Variants in CHRNA7 observed in about 807,000 individuals in gnomAD.
CHRNA7 encodes cholinergic receptor nicotinic alpha 7 subunit.
A neutral mutation model predicts 48.0 loss-of-function variants in CHRNA7; 17 were observed. The ratio of observed to expected loss-of-function variants is 0.35; its 90% CI spans 0.24 to 0.53. The LOEUF is 0.53. Among genes scored for constraint, CHRNA7 ranks in the 20% least tolerant of loss-of-function variants. CHRNA7 has a pLI of 0.92. For synonymous variants in CHRNA7, 75 were observed against 242.3 expected (o/e 0.31, Z 6.41); for missense variants, 155 against 577.7 (o/e 0.27, Z 7.50).
rs777210915 is a variant in CHRNA7 at position 32,030,669 on chromosome 15, G to T, written c.55+20G>T. ...TGCACGGTAAAGCCACTGCCTCCCC[G>T]CCCTCCACTCCTCCGTGGGATCCCG... On this transcript the variant is annotated intron_variant, in intron 1 of 9. Coordinates refer to ENST00000306901, the MANE Select transcript of CHRNA7 (RefSeq NM_000746.6). 6.4e-7 allele frequency: 1 copy of T among 1,566,414 alleles called. No individual in the cohort carries two copies. The highest frequency in any genetic ancestry group is 1.8e-5 in the Admixed American group (1 of 55,224).
intron 2 of CHRNA7, among the ~76,000 whole-genome samples, chr15:32,094,900 G>C (rs148380549): frequency 6.6e-6 from 1 of 152,058 alleles, no homozygotes; most frequent in Non-Finnish European, 1.5e-5. Flanking sequence ...TGCCTGCCTC[G>C]GCCTCCCAAA....
At chr15:32,036,336 G>A (rs572833828) in intron 2 of CHRNA7, among the ~76,000 whole-genome samples, 10 of 152,252 alleles carry the variant, frequency 6.6e-5, no homozygotes, top group East Asian at 3.9e-4. Flanking sequence ...ATTCACCTCC[G>A]GAAGAACATC....
At chr15:32,138,906 A>C (rs2051325217) in intron 4 of CHRNA7, among the ~76,000 whole-genome samples, 1 of 152,028 alleles carries the variant, frequency 6.6e-6, no homozygotes, top group African/African-American at 2.4e-5. Flanking sequence ...GGTGCACGCC[A>C]CCACGCCTGG....
At chr15:32,063,800 A>G (rs78850472) in intron 2 of CHRNA7, among the ~76,000 whole-genome samples, 3,128 of 152,212 alleles carry the variant, frequency 0.021, 101 homozygotes, top group African/African-American at 0.071. Flanking sequence ...TGTCACTAAG[A>G]GTTTTTGAAG....
chr15:32,128,663 G>T, intron 4 of CHRNA7, among the ~76,000 whole-genome samples: 1 of 151,026 alleles, frequency 6.6e-6, no homozygotes, highest in South Asian at 2.1e-4. Flanking sequence ...AATTGTTTTT[G>T]TTTTGAGATT....
At chr15:32,048,242 A>G (rs1332979746) in intron 2 of CHRNA7, among the ~76,000 whole-genome samples, 8 of 152,298 alleles carry the variant, frequency 5.3e-5, no homozygotes, top group Admixed American at 3.9e-4. Flanking sequence ...TTCAGAAGGA[A>G]CGGTACCAGT....
intron 2 of CHRNA7, among the ~76,000 whole-genome samples, chr15:32,073,471 G>A (rs1344370852): frequency 1.3e-5 from 2 of 152,200 alleles, no homozygotes; most frequent in African/African-American, 4.8e-5. Flanking sequence ...GCTGGAATAA[G>A]TTAAGACATT....
intron 2 of CHRNA7, among the ~76,000 whole-genome samples, chr15:32,070,710 G>A (rs1214186131): frequency 2.5e-4 from 24 of 94,162 alleles, no homozygotes; most frequent in African/African-American, 9.1e-4. Context: ...TTTTTGAGAC[G>A]GAGTCTTGCT....
chr15:32,038,984 A>G (rs1186712271), intron 2 of CHRNA7, among the ~76,000 whole-genome samples: 1 of 152,010 alleles, frequency 6.6e-6, no homozygotes, highest in African/African-American at 2.4e-5. Flanking sequence ...TTCTTGTTTG[A>G]GTTTTGAGAA....
rs2050766644 is a variant in CHRNA7 at position 32,111,820 on chromosome 15, G to A, written c.271G>A (p.Val91Met). Residue 91 changes from valine to methionine, a missense_variant, in exon 4 of 10, where the codon GTG becomes ATG. Val to Met is a conservative substitution (Grantham distance 21). Transcript: ENST00000306901. ...SWTDHYLQWNVSEYPGVKTVR... is the reference protein window; with the variant it reads ...SWTDHYLQWNMSEYPGVKTVR... ...GACAGATCACTATTTACAGTGGAAT[G>A]TGTCAGAATATCCAGGGGTGAAGAC... The A allele has an allele frequency of 6.2e-7, 1 of 1,613,578 alleles. No individual in the cohort carries two copies. The highest frequency in any genetic ancestry group is 8.5e-7 in the Non-Finnish European group (1 of 1,179,464).
At chr15:32,098,801 A>G (rs1317240717) in intron 2 of CHRNA7, 1 of 150,008 alleles carries the variant, frequency 6.7e-6, no homozygotes, top group Admixed American at 6.7e-5. Flanking sequence ...CCTTGTTACC[A>G]TTTGTTGTTA....
At chr15:32,051,370 A>C (rs1021695250) in intron 2 of CHRNA7, among the ~76,000 whole-genome samples, 1 of 152,034 alleles carries the variant, frequency 6.6e-6, no homozygotes, top group Non-Finnish European at 1.5e-5. Flanking sequence ...CCCCTCCCCC[A>C]GCCTTGCTGA....
At chr15:32,139,789 A>G (rs191842882) in intron 4 of CHRNA7, among the ~76,000 whole-genome samples, 2 of 152,166 alleles carry the variant, frequency 1.3e-5, no homozygotes, top group East Asian at 3.9e-4. Context: ...GTCTTTTGCA[A>G]ATATTTTCTC....
intron 3 of CHRNA7, among the ~76,000 whole-genome samples, chr15:32,105,467 G>A (rs972580397): frequency 8.0e-5 from 11 of 137,484 alleles, no homozygotes; most frequent in African/African-American, 3.2e-4. Flanking sequence ...GGAGGAGGAA[G>A]AGGAGGAGAG....
At chr15:32,087,499 G>A (rs769408701) in intron 2 of CHRNA7, among the ~76,000 whole-genome samples, 37 of 152,076 alleles carry the variant, frequency 2.4e-4, no homozygotes, top group African/African-American at 4.1e-4. Flanking sequence ...CCATTGGGGC[G>A]TCATCATTTC....
chr15:32,115,341 G>A (rs893876545), intron 4 of CHRNA7, among the ~76,000 whole-genome samples: 6 of 152,214 alleles, frequency 3.9e-5, no homozygotes, highest in African/African-American at 1.4e-4. Flanking sequence ...CCATGTGCCT[G>A]CTGAAATTGG....
At chr15:32,126,609 G>A (rs2051071150) in intron 4 of CHRNA7, among the ~76,000 whole-genome samples, 1 of 152,124 alleles carries the variant, frequency 6.6e-6, no homozygotes, top group Non-Finnish European at 1.5e-5. Flanking sequence ...TATATTTTAT[G>A]TGGTTAGACG....
chr15:32,137,033 A>AAAAAAAATAAAAAT (rs2051277333), intron 4 of CHRNA7, among the ~76,000 whole-genome samples: 1 of 146,088 alleles, frequency 6.8e-6, no homozygotes, highest in African/African-American at 2.5e-5. Flanking sequence ...CTCCGTCTCA[A>AAAAAAAATAAAAAT]AAAAAAAAAA....
At chr15:32,159,747 G>T in intron 8 of CHRNA7, 92 bp downstream of exon 8, 1 of 601,446 alleles carries the variant, frequency 1.7e-6, no homozygotes, top group African/African-American at 2.5e-5. Flanking sequence ...AGAAGAAATA[G>T]GGCTGCACTG....
Sources: gnomAD v4.1 joint callset for allele counts (sites outside exome capture counted in the v4.1 genomes callset) on GRCh38, gnomAD v4.1.1 for gene constraint, MANE v1.5 for transcripts, NCBI Gene and HGNC (gene_info 2026-07-23, HGNC 2026-07-21) for gene names.